The following SUCO variants were observed in gnomAD, a reference collection of about 807,000 sequenced individuals.
SUCO encodes the protein SUN domain-containing ossification factor.
SUCO carries 57 observed loss-of-function variants against 148.1 expected under a neutral mutation model. The observed-to-expected ratio is 0.38, with a 90% CI of 0.31 to 0.48. The LOEUF (loss-of-function observed/expected upper bound fraction) is 0.48, where lower values mean the gene tolerates loss of function less well. Among genes scored for constraint, SUCO ranks in the 20% least tolerant of loss-of-function variants. The pLI, the probability that SUCO is intolerant of heterozygous loss-of-function variation, is 0.96. For synonymous variants in SUCO, 470 were observed against 502.7 expected (o/e 0.93, Z 0.87); for missense variants, 1,331 against 1,468.2 (o/e 0.91, Z 1.53).
At chr1:172,559,079 C>G (rs1653951722) in intron 6 of SUCO, among the ~76,000 whole-genome samples, 1 of 152,060 alleles carries the variant, frequency 6.6e-6, no homozygotes, top group African/African-American at 2.4e-5. Flanking sequence ...TAACTCTGTC[C>G]CGTTAAGTTT....
intron 6 of SUCO, among the ~76,000 whole-genome samples, chr1:172,566,711 A>T (rs769478698): frequency 4.6e-5 from 7 of 152,162 alleles, no homozygotes; most frequent in Non-Finnish European, 8.8e-5. Flanking sequence ...TTTCTAGGAA[A>T]ATGGTGGTAA....
At chr1:172,547,021 C>G (rs969405343) in intron 1 of SUCO, among the ~76,000 whole-genome samples, 3 of 152,214 alleles carry the variant, frequency 2.0e-5, no homozygotes, top group African/African-American at 7.2e-5. Flanking sequence ...AGAATATTCT[C>G]ATCACCCTAG....
intron 9 of SUCO, among the ~76,000 whole-genome samples, chr1:172,572,239 T>C (rs145055485): frequency 0.59 from 87,181 of 147,586 alleles, 26,304 homozygotes; most frequent in African/African-American, 0.69. Context: ...ATGACAATGG[T>C]GGTTTTGTGG....
Position 172,589,251 on chromosome 1 carries a change from A to G in SUCO, c.2150A>G (p.Asp717Gly). ...HQDDLVNHTV[D>G]AVELEPSHSQ... ...GATGACTTGGTGAATCACACTGTAG[A>G]TGCAGTTGAACTTGAACCAAGCCAT... Residue 717 changes from aspartate (D) to glycine (G), a missense_variant, in exon 18 of 24, where the codon GAT (aspartate) becomes GGT (glycine). By Grantham distance (94) the Asp-to-Gly change is moderately conservative (BLOSUM62 -1). Coordinates refer to ENST00000263688, the MANE Select transcript of SUCO (RefSeq NM_014283.5). 2 of 1,613,926 alleles carry G rather than the reference A, an allele frequency of 1.2e-6. No individual in the cohort carries two copies. The highest frequency in any genetic ancestry group is 1.7e-5 in the Admixed American group (1 of 60,000).
chr1:172,540,115 A>G (rs1652337532), intron 1 of SUCO, among the ~76,000 whole-genome samples: 1 of 152,194 alleles, frequency 6.6e-6, no homozygotes, highest in Non-Finnish European at 1.5e-5. Context: ...TTAAAGATGA[A>G]GAAAGGTGGG....
rs1163270307 is a variant in SUCO, at chr1:172,581,142, A to G, written c.1498+1875A>G. Among the ~76,000 whole-genome samples, 10 of 152,134 alleles carry G rather than the reference A, an allele frequency of 6.6e-5. No individual in the cohort carries two copies. The South Asian group carries it at 8.3e-4, about 13-fold the overall frequency. On this transcript the variant is annotated intron_variant, in intron 15 of 23. Transcript: ENST00000263688. ...AAACAAAACAAAAACCTAATCATAT[A>G]TCAGGGGAAGACATTTCCCTGTTTG...
At chr1:172,540,081 A>G (rs1571173751) in intron 1 of SUCO, among the ~76,000 whole-genome samples, 1 of 152,154 alleles carries the variant, frequency 6.6e-6, no homozygotes. Context: ...CTCTGTATAG[A>G]TGTTTTAAGG....
At chr1:172,607,288 G>C (rs922192744) in intron 22 of SUCO, among the ~76,000 whole-genome samples, 1 of 151,866 alleles carries the variant, frequency 6.6e-6, no homozygotes, top group South Asian at 2.1e-4. Flanking sequence ...GGGAATTTGT[G>C]TGTGTGTTAC....
chr1:172,606,265 G>A lies in SUCO; in HGVS notation c.3266-2482G>A, dbSNP rs116480657. On this transcript the variant is annotated intron_variant, in intron 22 of 23. Coordinates refer to ENST00000263688, the MANE Select transcript of SUCO (RefSeq NM_014283.5). Reference sequence around the variant, plus strand: ...AGGTTTATAAAAATTAGATGGGCAGGGGTATCCCTTTTAATTTTTTTTTTT... The same window carrying A: ...AGGTTTATAAAAATTAGATGGGCAGAGGTATCCCTTTTAATTTTTTTTTTT... 8.5e-3 allele frequency among the ~76,000 whole-genome samples: 1,150 copies of A among 134,934 alleles called. 15 individuals carry two copies. The highest frequency in any genetic ancestry group is 0.031 in the African/African-American group (1,094 of 35,050). The allele number at this position is 134,934 out of a possible 152,430, so 88.5% of individuals were successfully genotyped here. A position where few individuals can be genotyped will look rare whatever the true frequency, so the allele number is the denominator to read the frequency against.
In SUCO at chr1:172,577,556, A is replaced by T; in HGVS notation, c.1281A>T (p.Ile427=). The T allele has an allele frequency of 1.2e-6, 2 of 1,611,004 alleles. No individual in the cohort carries two copies. Among genetic ancestry groups the T allele is most frequent in the Non-Finnish European group, 8.5e-7 (1 of 1,178,552 alleles). Reference sequence around the variant, plus strand: ...TGCTTCAGATGTTCATCAAGTACATAAAGGTTAGCAACCTTCTCTTTTGCA... The same window carrying T: ...TGCTTCAGATGTTCATCAAGTACATTAAGGTTAGCAACCTTCTCTTTTGCA... ...AKYVKMFIKY[I]KVELLSHFGS... is the part of the protein sequence containing the mutation. Residue 427 remains isoleucine (I), a synonymous_variant, in exon 12 of 24, where the codon ATA becomes ATT. Transcript: ENST00000263688.
intron 20 of SUCO, among the ~76,000 whole-genome samples, chr1:172,601,410 A>C (rs7553020): frequency 0.23 from 34,869 of 151,588 alleles, 4,167 homozygotes; most frequent in South Asian, 0.37. Flanking sequence ...AAGGCAGGAG[A>C]ATTAGTTGAA....
chr1:172,542,534 C>G (rs981483057), intron 1 of SUCO, among the ~76,000 whole-genome samples: 8 of 152,142 alleles, frequency 5.3e-5, no homozygotes, highest in African/African-American at 1.7e-4. Context: ...ACTGCCTGAG[C>G]TCCACCTCCT....
upstream of SUCO, chr1:172,532,791 G>T (rs1263163876): frequency 1.9e-6 from 3 of 1,609,094 alleles, no homozygotes; most frequent in Admixed American, 1.7e-5. Flanking sequence ...GCGCGCGAGG[G>T]ACGAAGGGCG....
chr1:172,539,028 G>A lies in SUCO; in HGVS notation c.62+5531G>A, dbSNP rs558937034. On this transcript the variant is annotated intron_variant, in intron 1 of 23. Coordinates refer to ENST00000263688, the MANE Select transcript of SUCO (RefSeq NM_014283.5). ...TGGAAGCAGGCAGTAGGGTTGACAG[G>A]CAATGGAAAAAATAAAAGGTATCAG... Among the ~76,000 whole-genome samples, 5 of 152,264 alleles carry A rather than the reference G, an allele frequency of 3.3e-5. 1 individual carries two copies. The highest frequency in any genetic ancestry group is 1.2e-4 in the African/African-American group (5 of 41,548).
chr1:172,598,527 T>C (rs1657280590), intron 19 of SUCO, among the ~76,000 whole-genome samples: 1 of 152,196 alleles, frequency 6.6e-6, no homozygotes, highest in African/African-American at 2.4e-5. Context: ...TTAATTTGCA[T>C]AATGTCATCT....
chr1:172,602,554 T>A, intron 21 of SUCO, 142 bp from the exon 22 acceptor site: 1 of 1,438,776 alleles, frequency 7.0e-7, no homozygotes, highest in Admixed American at 2.8e-5. Context: ...TTTTTCCACC[T>A]GTATTAGCAA....
rs150365014 is a variant in SUCO, at chr1:172,570,060, T to A, written c.870T>A (p.His290Gln). 452 of 1,563,448 alleles carry A rather than the reference T, an allele frequency of 2.9e-4. No individual in the cohort carries two copies. Among genetic ancestry groups the A allele is most frequent in the Non-Finnish European group, 3.7e-4 (423 of 1,150,610 alleles). ...GTTTGTCTGCAGGTCAGTCGATGCA[T>A]GCATCTTCTAATGGAGGTTCACATG... The part of the protein sequence containing the change: ...EVEKEKSQSM[H>Q]ASSNGGSHAT... Residue 290 changes from histidine (H) to glutamine (Q), a missense_variant, in exon 8 of 24, where the codon CAT (histidine) becomes CAA (glutamine). This residue lies in a region of SUCO where 992 missense variants were observed against 1,093.5 expected (regional missense o/e 0.91). Transcript: ENST00000263688.
chr1:172,533,109 G>A (rs1400399212), upstream of SUCO: 1 of 1,430,336 alleles, frequency 7.0e-7, no homozygotes, highest in African/African-American at 1.5e-5. Flanking sequence ...GCCGTTGGTC[G>A]CTGGCCTCAC....
chr1:172,575,461 C>A (rs893144409), intron 10 of SUCO, 57 bp from the exon 11 acceptor site: 2 of 1,239,248 alleles, frequency 1.6e-6, no homozygotes, highest in East Asian at 2.5e-5. Flanking sequence ...TATGATAGAA[C>A]CTTTCAATAT....
Sources: allele counts gnomAD v4.1 joint callset (sites outside exome capture counted in the v4.1 genomes callset), GRCh38; gene constraint gnomAD v4.1.1; regional missense constraint gnomAD v4.1.1; transcripts MANE v1.5; gene names NCBI Gene and HGNC (gene_info 2026-07-23, HGNC 2026-07-21).